THSD7A: variants seen among roughly 807,000 people sequenced by gnomAD.
THSD7A encodes thrombospondin type-1 domain-containing protein 7A.
A neutral mutation model predicts 231.3 loss-of-function variants in THSD7A; 96 were observed. The ratio of observed to expected loss-of-function variants is 0.41; its 90% CI spans 0.35 to 0.49. The LOEUF (loss-of-function observed/expected upper bound fraction) is 0.49. Among genes scored for constraint, THSD7A ranks in the 20% least tolerant of loss-of-function variants. The pLI is 0.05. For missense variants in THSD7A, 2,290 were observed against 2,070.2 expected (o/e 1.11, Z -2.06); for synonymous variants, 940 against 743.3 (o/e 1.26, Z -4.30).
At chr7:11,796,789 T>C (rs1295039662) in intron 1 of THSD7A, among the ~76,000 whole-genome samples, 2 of 152,130 alleles carry the variant, frequency 1.3e-5, no homozygotes, top group Non-Finnish European at 2.9e-5. Flanking sequence ...ATGTTTTTTA[T>C]ACTATGTTAG....
intron 1 of THSD7A, among the ~76,000 whole-genome samples, chr7:11,782,653 T>C (rs976714783): frequency 1.3e-3 from 195 of 152,228 alleles, no homozygotes; most frequent in African/African-American, 4.4e-3. Flanking sequence ...TGTTTTAATA[T>C]TACCTTAAAA....
intron 1 of THSD7A, among the ~76,000 whole-genome samples, chr7:11,669,297 T>C (rs1299099846): frequency 6.6e-6 from 1 of 152,090 alleles, no homozygotes; most frequent in Admixed American, 6.6e-5. Flanking sequence ...AGACATACTG[T>C]ATTTAAAAAT....
At chr7:11,812,138 TGTGG>T (rs2128184492) in intron 1 of THSD7A, among the ~76,000 whole-genome samples, 1 of 117,238 alleles carries the variant, frequency 8.5e-6, no homozygotes, top group Non-Finnish European at 1.9e-5. Flanking sequence ...TGTGTGTGTG[TGTGG>T]GAGACAGAGA....
Position 11,446,289 on chromosome 7 carries a change from G to A in THSD7A, c.2836C>T (p.His946Tyr). The A allele has an allele frequency of 1.2e-6, 2 of 1,611,840 alleles. No homozygotes were observed. The highest frequency in any genetic ancestry group is 1.7e-6 in the Non-Finnish European group (2 of 1,178,858). Residue 946 changes from histidine to tyrosine, a missense_variant, in exon 13 of 28, where the codon CAT (histidine) becomes TAT (tyrosine). Physicochemically the swap from His to Tyr is moderately conservative, Grantham distance 83. Coordinates refer to ENST00000423059, the MANE Select transcript of THSD7A (RefSeq NM_015204.3). This position sits in a 1 kb window ranked among gnomAD's most constrained non-coding sequence, Gnocchi z 4.0. ...SKKKEKCKNS[H>Y]LYPLIETQYC... ...TGAGTCTCAATCAGGGGATACAAAT[G>A]GGAATTTTTACATTTTTCCTTCTTT...
chr7:11,629,878 G>C (rs1180790025), intron 2 of THSD7A, among the ~76,000 whole-genome samples: 1 of 152,138 alleles, frequency 6.6e-6, no homozygotes. Flanking sequence ...AAGTTGAAAG[G>C]CTTTTAGAGA....
chr7:11,494,332 C>T (rs1034945739), intron 6 of THSD7A, among the ~76,000 whole-genome samples: 1 of 151,928 alleles, frequency 6.6e-6, no homozygotes, highest in Admixed American at 6.6e-5. Flanking sequence ...TATAAGTCCT[C>T]CACTCTTAAT....
chr7:11,830,465 C>G (rs887348305), intron 1 of THSD7A, among the ~76,000 whole-genome samples: 1 of 152,216 alleles, frequency 6.6e-6, no homozygotes, highest in African/African-American at 2.4e-5. Flanking sequence ...TTCAAATCTT[C>G]GTTTCAAATT....
At chr7:11,426,805 A>C in intron 14 of THSD7A, 134 bp from the exon 15 acceptor site, 1 of 845,950 alleles carries the variant, frequency 1.2e-6, no homozygotes, top group Non-Finnish European at 1.7e-6. Flanking sequence ...TTTTTTGGTA[A>C]AATATTAGAA....
intron 1 of THSD7A, among the ~76,000 whole-genome samples, chr7:11,787,142 A>G (rs1377620640): frequency 6.6e-6 from 1 of 152,116 alleles, no homozygotes; most frequent in Non-Finnish European, 1.5e-5. Flanking sequence ...TTTGAAATCA[A>G]AGTGAGCAAT....
intron 1 of THSD7A, among the ~76,000 whole-genome samples, chr7:11,656,010 T>G (rs998834068): frequency 6.6e-6 from 1 of 151,910 alleles, no homozygotes; most frequent in Non-Finnish European, 1.5e-5. Context: ...TTCTTCCCGA[T>G]TTCTTAATCA....
In THSD7A at chr7:11,814,043, A is replaced by G. The variant is rs376080324; in HGVS notation, c.190+17714T>C. ...TGATGCGAAATAAAAGGTGCTAGTCACAAAAGATCACGCAAGTTATGATGC... is the reference window on the plus strand; with the variant it reads ...TGATGCGAAATAAAAGGTGCTAGTCGCAAAAGATCACGCAAGTTATGATGC... On this transcript the variant is annotated intron_variant, in intron 1 of 27. Coordinates refer to ENST00000423059, the MANE Select transcript of THSD7A (RefSeq NM_015204.3). The surrounding 1 kb of genome is among the most constrained non-coding windows in gnomAD (Gnocchi z 5.1). Among the ~76,000 whole-genome samples, 53 of 152,326 alleles carry G rather than the reference A, an allele frequency of 3.5e-4. No homozygotes were observed. The highest frequency in any genetic ancestry group is 7.7e-4 in the African/African-American group (32 of 41,576).
intron 9 of THSD7A, among the ~76,000 whole-genome samples, chr7:11,464,442 C>G (rs538308053): frequency 6.6e-6 from 1 of 152,238 alleles, no homozygotes; most frequent in East Asian, 1.9e-4. Context: ...TATTAACTAC[C>G]TAGATGGCAC....
At chr7:11,780,076 C>T (rs1783575409) in intron 1 of THSD7A, among the ~76,000 whole-genome samples, 1 of 152,196 alleles carries the variant, frequency 6.6e-6, no homozygotes. Context: ...GATCTGATGT[C>T]TGGTGAGGGC....
At chr7:11,710,780 T>C (rs778619384) in intron 1 of THSD7A, among the ~76,000 whole-genome samples, 30 of 151,072 alleles carry the variant, frequency 2.0e-4, no homozygotes, top group Non-Finnish European at 4.0e-4. Flanking sequence ...CAGACTATCA[T>C]GTACTTTAGA....
At chr7:11,379,588 A>T in intron 25 of THSD7A, 42 bp downstream of exon 25, 1 of 1,513,490 alleles carries the variant, frequency 6.6e-7, no homozygotes, top group South Asian at 1.2e-5. Context: ...GGGGTGACAC[A>T]TGATGGAGCT....
At chr7:11,773,276 G>A (rs28563793) in intron 1 of THSD7A, among the ~76,000 whole-genome samples, 7,212 of 152,274 alleles carry the variant, frequency 0.047, 554 homozygotes, top group African/African-American at 0.16. Flanking sequence ...GCTCACGCCT[G>A]TAATCTCAGC....
intron 1 of THSD7A, among the ~76,000 whole-genome samples, chr7:11,701,246 T>C (rs1200879504): frequency 6.6e-6 from 1 of 151,158 alleles, no homozygotes; most frequent in Non-Finnish European, 1.5e-5. Context: ...CAGCATATAG[T>C]AAATCCATTA....
At chr7:11,597,679 T>A (rs1484775366) in intron 2 of THSD7A, among the ~76,000 whole-genome samples, 2 of 152,180 alleles carry the variant, frequency 1.3e-5, no homozygotes, top group Admixed American at 6.5e-5. Context: ...AATTGAACGT[T>A]TGATTATACG....
chr7:11,394,433 T>C (rs537234520), intron 23 of THSD7A, among the ~76,000 whole-genome samples: 80 of 152,138 alleles, frequency 5.3e-4, no homozygotes, highest in African/African-American at 1.8e-3. Context: ...GGAGAAACTA[T>C]AGGGAAAGGA....
Sources: allele counts gnomAD v4.1 joint callset (sites outside exome capture counted in the v4.1 genomes callset), GRCh38; gene constraint gnomAD v4.1.1; non-coding constraint Gnocchi (gnomAD v3.1); transcripts MANE v1.5; gene names NCBI Gene and HGNC (gene_info 2026-07-23, HGNC 2026-07-21).